Variants in GCC2 observed in about 807,000 individuals in gnomAD.
GCC2 encodes GRIP and coiled-coil domain-containing protein 2.
Under a neutral mutation model 210.6 loss-of-function variants are expected in GCC2, and 120 were observed. That is an observed-to-expected ratio of 0.57 (90% CI 0.49 to 0.66). The LOEUF (loss-of-function observed/expected upper bound fraction) is 0.66, where lower values mean the gene tolerates loss of function less well. Ranked by LOEUF, GCC2 falls within the 30% of genes least tolerant of loss-of-function variation. The pLI is 0.00. For missense variants in GCC2, 1,868 were observed against 1,871.9 expected (o/e 1.00, Z 0.04); for synonymous variants, 703 against 652.7 (o/e 1.08, Z -1.17).
At chr2:108,484,099 A>G (rs755574401) in intron 12 of GCC2, 50 bp from the exon 13 acceptor site, 2 of 1,300,134 alleles carry the variant, frequency 1.5e-6, no homozygotes, top group South Asian at 3.1e-5. Context: ...AAAAATTTAC[A>G]AATGAACTGA....
At chr2:108,460,945 T>G (rs1680538180) in intron 4 of GCC2, among the ~76,000 whole-genome samples, 1 of 152,196 alleles carries the variant, frequency 6.6e-6, no homozygotes, top group African/African-American at 2.4e-5. Flanking sequence ...AAGATGTGCC[T>G]CCTTCTCCTT....
chr2:108,463,507 G>A (rs1378517545), intron 4 of GCC2, among the ~76,000 whole-genome samples: 1 of 152,090 alleles, frequency 6.6e-6, no homozygotes, highest in Non-Finnish European at 1.5e-5. Context: ...AGTGACTTAG[G>A]GTGCAGTTGT....
intron 21 of GCC2, among the ~76,000 whole-genome samples, chr2:108,497,626 A>C (rs1682709785): frequency 6.6e-6 from 1 of 152,206 alleles, no homozygotes; most frequent in Non-Finnish European, 1.5e-5. Flanking sequence ...CTGAACTACT[A>C]AACAGTTTTC....
At chr2:108,465,950 G>A (rs1249901556) in intron 4 of GCC2, among the ~76,000 whole-genome samples, 1 of 152,130 alleles carries the variant, frequency 6.6e-6, no homozygotes, top group African/African-American at 2.4e-5. Context: ...TGCTTCCCAG[G>A]TTCAAGCTGT....
intron 3 of GCC2, among the ~76,000 whole-genome samples, chr2:108,451,916 T>C (rs2104400931): frequency 6.6e-6 from 1 of 151,306 alleles, no homozygotes; most frequent in East Asian, 1.9e-4. Context: ...CAATCTCGGC[T>C]TACTGCAACC....
intron 4 of GCC2, among the ~76,000 whole-genome samples, chr2:108,467,309 A>G (rs1485589751): frequency 2.6e-5 from 4 of 152,156 alleles, no homozygotes; most frequent in Admixed American, 6.6e-5. Flanking sequence ...TATATTTTCT[A>G]AATATTTGCT....
Position 108,507,574 on chromosome 2 carries a change from G to C in GCC2, c.4999G>C (p.Ala1667Pro). The C allele has an allele frequency of 1.3e-6, 2 of 1,589,380 alleles. No homozygotes were observed. The highest frequency in any genetic ancestry group is 8.6e-7 in the Non-Finnish European group (1 of 1,162,912). Residue 1667 changes from alanine (A) to proline (P), a missense_variant, in exon 23 of 23, where the codon GCT becomes CCT. This residue lies in a region of GCC2 where 20 missense variants were observed against 28.2 expected (regional missense o/e 0.71). Coordinates refer to ENST00000309863, the MANE Select transcript of GCC2 (RefSeq NM_181453.4). ...AAVAQGEEEN[A>P]SRSSGWASYL... ...ACTTTCCAAAGGTGAGGAAGAAAATGCTTCCCGTTCTTCTGGATGGGCATC... is the reference window on the plus strand; with the variant it reads ...ACTTTCCAAAGGTGAGGAAGAAAATCCTTCCCGTTCTTCTGGATGGGCATC...
chr2:108,483,208 ATTGTTCTGTTTTG>A, intron 12 of GCC2, 42 bp downstream of exon 12: 1 of 975,428 alleles, frequency 1.0e-6, no homozygotes, highest in East Asian at 2.4e-5. Context: ...TAATATTCAC[ATTGTTCTGTTTTG>A]TTGTTCTGTT....
chr2:108,460,821 C>T (rs1680528727), intron 4 of GCC2, among the ~76,000 whole-genome samples: 1 of 152,166 alleles, frequency 6.6e-6, no homozygotes, highest in African/African-American at 2.4e-5. Flanking sequence ...TGGGGATGAA[C>T]ATGAACTTCC....
At chr2:108,463,107 G>A (rs906298112) in intron 4 of GCC2, among the ~76,000 whole-genome samples, 2 of 151,760 alleles carry the variant, frequency 1.3e-5, no homozygotes, top group African/African-American at 4.8e-5. Context: ...TTGTTTTTCT[G>A]ATTTCTTTGT....
Position 108,495,472 on chromosome 2 carries a change from C to G in GCC2, c.4629C>G (p.Pro1543=), listed in dbSNP as rs779277462. The change falls in exon 20 of 23, where the codon CCC becomes CCG. Residue 1543 remains proline, a synonymous_variant. Coordinates refer to ENST00000309863, the MANE Select transcript of GCC2 (RefSeq NM_181453.4). The part of the protein sequence containing the change: ...TQSLEQLLNS[P]ETKLEPPLWH... Reference sequence around the variant, plus strand: ...CTTTAGAGCAGCTGCTTAACTCTCCCGAAACTAAACTTGGTATGTTACTCT... The same window carrying G: ...CTTTAGAGCAGCTGCTTAACTCTCCGGAAACTAAACTTGGTATGTTACTCT... 6.3e-7 allele frequency: 1 copy of G among 1,589,710 alleles called. No homozygotes were observed. Among genetic ancestry groups the G allele is most frequent in the Non-Finnish European group, 8.5e-7 (1 of 1,175,756 alleles).
chr2:108,493,115 A>T (rs1682485960), intron 19 of GCC2, among the ~76,000 whole-genome samples: 3 of 151,996 alleles, frequency 2.0e-5, no homozygotes, highest in African/African-American at 7.2e-5. Context: ...TTTGAGACGG[A>T]GTCTCGCTGT....
chr2:108,484,007 T>G, intron 12 of GCC2, 142 bp from the exon 13 acceptor site: 1 of 425,314 alleles, frequency 2.4e-6, no homozygotes, highest in Non-Finnish European at 4.3e-6. Context: ...ATTTCTTTGT[T>G]ACAGTGTAAA....
intron 4 of GCC2, among the ~76,000 whole-genome samples, chr2:108,456,359 C>G (rs1271592280): frequency 6.6e-6 from 1 of 152,208 alleles, no homozygotes; most frequent in Non-Finnish European, 1.5e-5. Context: ...AGAGTTCTTT[C>G]TCCACATTGT....
At chr2:108,462,130 C>G in intron 4 of GCC2, among the ~76,000 whole-genome samples, 1 of 147,916 alleles carries the variant, frequency 6.8e-6, no homozygotes, top group East Asian at 2.1e-4. Flanking sequence ...AGCCACTGCA[C>G]CCGGCCACTA....
chr2:108,477,086 A>G (rs1164131817), intron 9 of GCC2, among the ~76,000 whole-genome samples: 2 of 152,174 alleles, frequency 1.3e-5, no homozygotes, highest in Non-Finnish European at 2.9e-5. Flanking sequence ...TGAAAATTGT[A>G]GATTTTTTTT....
At chr2:108,480,724 G>A (rs1681809306) in intron 9 of GCC2, among the ~76,000 whole-genome samples, 1 of 150,332 alleles carries the variant, frequency 6.7e-6, no homozygotes, top group South Asian at 2.1e-4. Context: ...CACATACAGA[G>A]GAACAACAGA....
chr2:108,498,343 G>A (rs1358793105), intron 21 of GCC2, among the ~76,000 whole-genome samples: 3 of 150,936 alleles, frequency 2.0e-5, no homozygotes, highest in South Asian at 2.1e-4. Context: ...CTGCAGGCAC[G>A]CACCACCATG....
At chr2:108,478,221 A>G (rs1204821154) in intron 9 of GCC2, among the ~76,000 whole-genome samples, 1 of 151,990 alleles carries the variant, frequency 6.6e-6, no homozygotes, top group African/African-American at 2.4e-5. Flanking sequence ...ATCTTTGTAT[A>G]TAAACATACT....
Sources: allele counts gnomAD v4.1 joint callset (sites outside exome capture counted in the v4.1 genomes callset), GRCh38; gene constraint gnomAD v4.1.1; regional missense constraint gnomAD v4.1.1; transcripts MANE v1.5; gene names NCBI Gene and HGNC (gene_info 2026-07-23, HGNC 2026-07-21).